Variants in PSME3IP1 observed in about 807,000 individuals in gnomAD.
The protein encoded by PSME3IP1 is PSME3-interacting protein.
Under a neutral mutation model 34.1 loss-of-function variants are expected in PSME3IP1, and 13 were observed. The observed-to-expected ratio is 0.38, with a 90% confidence interval of 0.25 to 0.61. The LOEUF (loss-of-function observed/expected upper bound fraction) is 0.61. Among genes scored for constraint, PSME3IP1 ranks in the 20% least tolerant of loss-of-function variants. The pLI, the probability that PSME3IP1 is intolerant of heterozygous loss-of-function variation, is 0.60. For synonymous variants in PSME3IP1, 93 were observed against 114.3 expected, an observed-to-expected ratio of 0.81 and a Z score of 1.19; for missense variants, 237 against 301.4, an observed-to-expected ratio of 0.79 and a Z score of 1.58.
intron 3 of PSME3IP1, 21 bp downstream of exon 3, chr16:57,172,755 T>A: frequency 6.4e-7 from 1 of 1,559,522 alleles, no homozygotes; most frequent in Non-Finnish European, 8.8e-7. Flanking sequence ...CCCCTTGAAC[T>A]CTCTGTTTTC....
intron 5 of PSME3IP1, 117 bp from the exon 6 acceptor site, chr16:57,164,182 T>C: frequency 1.3e-6 from 1 of 770,240 alleles, no homozygotes; most frequent in Non-Finnish European, 2.2e-6. Context: ...GAGGCTGGGA[T>C]GATAAAAATG....
chr16:57,184,332 AC>A (rs2073975052), intron 1 of PSME3IP1, among the ~76,000 whole-genome samples: 1 of 152,244 alleles, frequency 6.6e-6, no homozygotes, highest in Non-Finnish European at 1.5e-5. Context: ...ACACTAATCC[AC>A]AGATTCAAGA....
intron 1 of PSME3IP1, among the ~76,000 whole-genome samples, chr16:57,177,675 C>T (rs1313030384): frequency 6.6e-6 from 1 of 152,034 alleles, no homozygotes; most frequent in East Asian, 1.9e-4. Flanking sequence ...GTCACACTGT[C>T]AAAACTAATG....
intron 1 of PSME3IP1, among the ~76,000 whole-genome samples, chr16:57,184,246 A>G (rs1306582924): frequency 6.6e-6 from 1 of 151,770 alleles, no homozygotes. Context: ...AAATCGATAA[A>G]AAAAAAAAGA....
chr16:57,163,246 C>CT (rs575729435), intron 6 of PSME3IP1, among the ~76,000 whole-genome samples: 14 of 151,248 alleles, frequency 9.3e-5, no homozygotes, highest in South Asian at 8.3e-4. Flanking sequence ...AGGCAGGCTC[C>CT]TTTTTTTTTC....
chr16:57,184,624 C>T (rs977664635), intron 1 of PSME3IP1, among the ~76,000 whole-genome samples: 4 of 152,354 alleles, frequency 2.6e-5, no homozygotes, highest in Admixed American at 2.6e-4. Context: ...TGACCCTGTA[C>T]GTACATCGCA....
chr16:57,161,924 G>A (rs1269798054), intron 6 of PSME3IP1, among the ~76,000 whole-genome samples: 1 of 152,010 alleles, frequency 6.6e-6, no homozygotes, highest in Non-Finnish European at 1.5e-5. Flanking sequence ...TTATTTTTGA[G>A]ACAGAGTCTC....
chr16:57,171,989 A>T (rs951086944), intron 4 of PSME3IP1, among the ~76,000 whole-genome samples: 1 of 152,230 alleles, frequency 6.6e-6, no homozygotes, highest in African/African-American at 2.4e-5. Flanking sequence ...CCTGTGTCAG[A>T]ATCTAATCCC....
intron 1 of PSME3IP1, among the ~76,000 whole-genome samples, chr16:57,183,286 T>C (rs146877369): frequency 6.6e-6 from 1 of 152,334 alleles, no homozygotes; most frequent in East Asian, 1.9e-4. Context: ...GGCTAGGTAA[T>C]TGAAACCAAT....
At chr16:57,182,551 TAAAAAAAAAAAA>T (rs10717048) in intron 1 of PSME3IP1, among the ~76,000 whole-genome samples, 1 of 76,756 alleles carries the variant, frequency 1.3e-5, no homozygotes, top group Non-Finnish European at 2.4e-5. Flanking sequence ...CCATTTCCCT[TAAAAAAAAAAAA>T]AAAAAAAAAA....
At chr16:57,158,210 T>C (rs2070785766) in intron 6 of PSME3IP1, among the ~76,000 whole-genome samples, 1 of 152,238 alleles carries the variant, frequency 6.6e-6, no homozygotes. Context: ...ATACCATTCA[T>C]GACTTAAAAA....
intron 1 of PSME3IP1, among the ~76,000 whole-genome samples, chr16:57,180,765 G>A (rs1567450626): frequency 6.6e-6 from 1 of 151,970 alleles, no homozygotes; most frequent in Non-Finnish European, 1.5e-5. Flanking sequence ...CAAACAAACA[G>A]ACAAACAGGC....
intron 5 of PSME3IP1, among the ~76,000 whole-genome samples, chr16:57,166,249 C>A (rs1012776377): frequency 6.6e-6 from 1 of 152,234 alleles, no homozygotes; most frequent in Non-Finnish European, 1.5e-5. Context: ...CTTATCATTT[C>A]GCCCACAGTC....
intron 6 of PSME3IP1, among the ~76,000 whole-genome samples, chr16:57,163,514 C>A (rs1283353548): frequency 3.9e-5 from 6 of 152,212 alleles, no homozygotes; most frequent in African/African-American, 7.2e-5. Context: ...AAGTTCTTGC[C>A]TCTTAATACA....
chr16:57,172,743 A>C (rs2072735355), intron 3 of PSME3IP1, 33 bp downstream of exon 3: 3 of 1,480,400 alleles, frequency 2.0e-6, no homozygotes, highest in Non-Finnish European at 2.8e-6. Context: ...TACCCCACAG[A>C]GCCCCTTGAA....
At chr16:57,174,307 ACTCTC>A in intron 1 of PSME3IP1, 1 of 436,290 alleles carries the variant, frequency 2.3e-6, no homozygotes, top group Non-Finnish European at 3.0e-6. Context: ...AAAAAAAAAA[ACTCTC>A]AAATAGTTTA....
intron 1 of PSME3IP1, among the ~76,000 whole-genome samples, chr16:57,175,121 T>G (rs1250986348): frequency 6.6e-6 from 1 of 151,952 alleles, no homozygotes; most frequent in Non-Finnish European, 1.5e-5. Context: ...TTCAAGCGAT[T>G]CTCCTGCCTC....
chr16:57,179,962 TAC>T (rs2073542576), intron 1 of PSME3IP1, among the ~76,000 whole-genome samples: 1 of 152,234 alleles, frequency 6.6e-6, no homozygotes, highest in African/African-American at 2.4e-5. Context: ...TCTACCAAGA[TAC>T]AGTTATTTAG....
At chr16:57,163,684 G>A (rs998011704) in intron 6 of PSME3IP1, among the ~76,000 whole-genome samples, 10 of 152,182 alleles carry the variant, frequency 6.6e-5, no homozygotes, top group African/African-American at 2.2e-4. Flanking sequence ...GACATTTGGG[G>A]GAAACAGAAA....
Sources: gnomAD v4.1 joint callset for allele counts (sites outside exome capture counted in the v4.1 genomes callset) on GRCh38, gnomAD v4.1.1 for gene constraint, MANE v1.5 for transcripts, NCBI Gene and HGNC (gene_info 2026-07-23, HGNC 2026-07-21) for gene names.